The following ZBTB20 variants were observed in gnomAD, a reference collection of about 807,000 sequenced individuals.
ZBTB20 encodes zinc finger and BTB domain-containing protein 20.
In ZBTB20, 9 loss-of-function variants were observed where a neutral mutation model predicts 56.9. The ratio of observed to expected loss-of-function variants is 0.16; its 90% confidence interval spans 0.10 to 0.28. ZBTB20 has a LOEUF of 0.28. ZBTB20 is among the 10% of genes least tolerant of loss of function. The pLI, the probability that ZBTB20 is intolerant of heterozygous loss-of-function variation, is 1.00. For missense variants in ZBTB20, 655 were observed against 1,003.0 expected, an observed-to-expected ratio of 0.65 and a Z score of 4.69; for synonymous variants, 417 against 420.7, an observed-to-expected ratio of 0.99 and a Z score of 0.11.
intron 6 of ZBTB20, among the ~76,000 whole-genome samples, chr3:114,554,004 TATC>T (rs1312089137): frequency 6.6e-6 from 1 of 152,230 alleles, no homozygotes; most frequent in Non-Finnish European, 1.5e-5. Flanking sequence ...CAAATTGTAA[TATC>T]ATATAGACCA....
At chr3:115,075,271 A>G (rs2082554198) in intron 1 of ZBTB20, among the ~76,000 whole-genome samples, 1 of 152,216 alleles carries the variant, frequency 6.6e-6, no homozygotes, top group South Asian at 2.1e-4. Context: ...ATTAATTAGT[A>G]ACTTCCCATT....
intron 4 of ZBTB20, among the ~76,000 whole-genome samples, chr3:114,831,108 T>C (rs1202491347): frequency 2.0e-5 from 3 of 146,848 alleles, no homozygotes; most frequent in Non-Finnish European, 4.5e-5. Context: ...TTTTTTTTTT[T>C]TTTTTTAGTA....
chr3:115,035,772 A>G (rs1001642033), intron 2 of ZBTB20, among the ~76,000 whole-genome samples: 8 of 152,226 alleles, frequency 5.3e-5, no homozygotes, highest in African/African-American at 1.9e-4. Context: ...CATAGCAGCC[A>G]TATTCACAAC....
intron 3 of ZBTB20, among the ~76,000 whole-genome samples, chr3:114,913,217 T>C (rs983384900): frequency 6.6e-6 from 1 of 151,950 alleles, no homozygotes; most frequent in African/African-American, 2.4e-5. Context: ...ACAAAGATTC[T>C]CTTTTCTCCA....
At chr3:114,704,223 G>A (rs1224374634) in intron 5 of ZBTB20, among the ~76,000 whole-genome samples, 1 of 151,968 alleles carries the variant, frequency 6.6e-6, no homozygotes, top group Non-Finnish European at 1.5e-5. Flanking sequence ...TTATTACAAA[G>A]ACTTCAAGCA....
In ZBTB20 at chr3:114,319,164, T is replaced by C. The variant is rs1445740499; in HGVS notation, c.*19841A>G. The stretch of plus-strand genomic sequence containing the variant: ...TTTCGATTAGTTTTTTTCTTTTTTT[T>C]TTTTTAAATAATGTCTTCACCAAAA... On this transcript the variant is annotated 3_prime_UTR_variant, in exon 12 of 12. Transcript: ENST00000675478. 6.6e-6 allele frequency: 1 copy of C among 151,834 alleles called. No individual in the cohort carries two copies. Among genetic ancestry groups the C allele is most frequent in the Non-Finnish European group, 1.5e-5 (1 of 67,962 alleles). 9.4% of individuals were successfully genotyped at this position (151,834 alleles called of 1,614,324 possible).
At chr3:114,641,420 T>G (rs577840248) in intron 6 of ZBTB20, among the ~76,000 whole-genome samples, 52 of 151,962 alleles carry the variant, frequency 3.4e-4, no homozygotes, top group Non-Finnish European at 1.0e-4. Flanking sequence ...TTGTTAGTAG[T>G]ATAATATATA....
chr3:114,635,324 G>T (rs950689170), intron 6 of ZBTB20, among the ~76,000 whole-genome samples: 1 of 152,202 alleles, frequency 6.6e-6, no homozygotes, highest in Admixed American at 6.6e-5. Context: ...ACCATGAACT[G>T]GTAAAGGTCT....
intron 5 of ZBTB20, among the ~76,000 whole-genome samples, chr3:114,753,413 G>GTA (rs67371620): frequency 0.028 from 1,343 of 47,604 alleles, 265 homozygotes; most frequent in African/African-American, 0.064. Flanking sequence ...ATACACACAC[G>GTA]TATATATATA....
intron 7 of ZBTB20, among the ~76,000 whole-genome samples, chr3:114,475,395 T>C (rs1160569703): frequency 1.3e-5 from 2 of 152,202 alleles, no homozygotes; most frequent in Non-Finnish European, 2.9e-5. Context: ...TCAGCTCCGT[T>C]GCTAGATTAA....
chr3:114,864,709 G>T (rs2075688279), intron 4 of ZBTB20, among the ~76,000 whole-genome samples: 1 of 152,076 alleles, frequency 6.6e-6, no homozygotes, highest in African/African-American at 2.4e-5. Flanking sequence ...CATGGAGGAA[G>T]TTGGTAAAGA....
At chr3:114,354,583 G>GTT (rs1310151895) in intron 10 of ZBTB20, among the ~76,000 whole-genome samples, 6 of 45,456 alleles carry the variant, frequency 1.3e-4, no homozygotes, top group Admixed American at 6.3e-4. Context: ...GTTTTGTTTT[G>GTT]TTTGTTTTTT....
chr3:114,839,589 C>A (rs2108993161), intron 4 of ZBTB20, among the ~76,000 whole-genome samples: 1 of 152,212 alleles, frequency 6.6e-6, no homozygotes, highest in East Asian at 1.9e-4. Context: ...CTAATGGTGA[C>A]CTTCCAAAAG....
intron 5 of ZBTB20, among the ~76,000 whole-genome samples, chr3:114,798,235 C>T (rs184086022): frequency 6.6e-6 from 1 of 151,704 alleles, no homozygotes; most frequent in Admixed American, 6.6e-5. Context: ...GGTCTTATGT[C>T]CACTTTGTAA....
chr3:114,693,245 GTAT>G lies in ZBTB20; in HGVS notation c.-295+280_-295+282del, dbSNP rs1482976894. ...GAATACTTCCATCTTGTTTAGCAGA[GTAT>G]TCTAAAATATTTGTCAAAATCTGTG... On this transcript the variant is annotated intron_variant, in intron 6 of 11. Coordinates refer to ENST00000675478, the MANE Select transcript of ZBTB20 (RefSeq NM_001348800.3). Among the ~76,000 whole-genome samples the G allele has an allele frequency of 2.6e-5, 4 of 152,224 alleles. No homozygotes were observed. The East Asian group carries it at 7.7e-4, about 29-fold the overall frequency.
intron 6 of ZBTB20, among the ~76,000 whole-genome samples, chr3:114,661,749 A>G (rs747916397): frequency 2.0e-5 from 3 of 152,132 alleles, no homozygotes; most frequent in Non-Finnish European, 4.4e-5. Flanking sequence ...TGAATAAATA[A>G]AAACTTGCCT....
intron 4 of ZBTB20, among the ~76,000 whole-genome samples, chr3:114,835,427 A>G (rs2074070088): frequency 6.6e-6 from 1 of 152,086 alleles, no homozygotes; most frequent in Admixed American, 6.5e-5. Flanking sequence ...CTGTTTTCAT[A>G]TTGTGTAAAA....
intron 3 of ZBTB20, among the ~76,000 whole-genome samples, chr3:114,937,490 C>A (rs974118007): frequency 1.1e-4 from 16 of 151,738 alleles, no homozygotes; most frequent in African/African-American, 3.9e-4. Flanking sequence ...GGCGCAATCT[C>A]GGCTCACTGC....
intron 5 of ZBTB20, among the ~76,000 whole-genome samples, chr3:114,701,234 TA>T (rs1218641473): frequency 1.3e-5 from 2 of 152,224 alleles, no homozygotes; most frequent in African/African-American, 4.8e-5. Context: ...TTCTGTTTGT[TA>T]ACTCATTATT....
Sources: allele counts gnomAD v4.1 joint callset (sites outside exome capture counted in the v4.1 genomes callset), GRCh38; gene constraint gnomAD v4.1.1; transcripts MANE v1.5; gene names NCBI Gene and HGNC (gene_info 2026-07-23, HGNC 2026-07-21).